Variants in PTPRD observed in about 807,000 individuals in gnomAD.
PTPRD encodes the protein protein tyrosine phosphatase receptor type D.
PTPRD carries 34 observed loss-of-function variants against 214.5 expected under a neutral mutation model. The ratio of observed to expected loss-of-function variants is 0.16; its 90% CI spans 0.12 to 0.21. PTPRD has a LOEUF of 0.21. Ranked by LOEUF, PTPRD falls within the 10% of genes least tolerant of loss-of-function variation. PTPRD has a pLI of 1.00. For synonymous variants in PTPRD, 1,128 were observed against 845.7 expected (o/e 1.33, Z -5.79); for missense variants, 2,545 against 2,398.7 (o/e 1.06, Z -1.27).
Position 10,471,872 on chromosome 9 carries a change from G to A in PTPRD, c.-599-130855C>T, listed in dbSNP as rs962364904. Among the ~76,000 whole-genome samples the A allele has an allele frequency of 4.6e-5, 7 of 151,930 alleles. No homozygotes were observed. In the East Asian group the frequency reaches 9.7e-4, roughly 21 times the overall value. On this transcript the variant is annotated intron_variant, in intron 2 of 45. Coordinates refer to ENST00000381196, the MANE Select transcript of PTPRD (RefSeq NM_002839.4). ...ACCTAGACCATAATTATTTGAAAAG[G>A]AAATGAACAAAAATAGCAAACCAAA... is the stretch of plus-strand genomic sequence containing the variant.
intron 2 of PTPRD, among the ~76,000 whole-genome samples, chr9:10,461,445 C>A (rs888993555): frequency 2.6e-5 from 4 of 151,632 alleles, no homozygotes; most frequent in Non-Finnish European, 5.9e-5. Flanking sequence ...AATCTAGGTG[C>A]CTATCAATGA....
chr9:10,132,423 A>C (rs2154259260), intron 3 of PTPRD, among the ~76,000 whole-genome samples: 1 of 152,284 alleles, frequency 6.6e-6, no homozygotes, highest in East Asian at 1.9e-4. Flanking sequence ...AATTTAACAA[A>C]CACCTGCCAT....
chr9:9,139,782 C>T (rs1240186975), intron 10 of PTPRD, among the ~76,000 whole-genome samples: 1 of 152,168 alleles, frequency 6.6e-6, no homozygotes, highest in Non-Finnish European at 1.5e-5. Context: ...GCAGAAAGTG[C>T]AACCACGGCT....
intron 5 of PTPRD, among the ~76,000 whole-genome samples, chr9:9,893,595 A>G (rs2074075538): frequency 6.6e-6 from 1 of 152,180 alleles, no homozygotes; most frequent in African/African-American, 2.4e-5. Flanking sequence ...AGTATTGAAT[A>G]ACCAAGCTTC....
chr9:9,265,570 T>TA (rs1208688891), intron 9 of PTPRD, among the ~76,000 whole-genome samples: 4 of 151,520 alleles, frequency 2.6e-5, no homozygotes, highest in Non-Finnish European at 4.4e-5. Context: ...AATTGTGACA[T>TA]AAAAAATAGG....
chr9:10,440,604 G>C (rs1057201392), intron 2 of PTPRD, among the ~76,000 whole-genome samples: 5 of 151,684 alleles, frequency 3.3e-5, no homozygotes, highest in African/African-American at 1.2e-4. Flanking sequence ...TTAAAATCAG[G>C]AACCACAGCA....
chr9:9,237,067 A>G (rs2099967278), intron 9 of PTPRD, among the ~76,000 whole-genome samples: 1 of 152,186 alleles, frequency 6.6e-6, no homozygotes, highest in South Asian at 2.1e-4. Flanking sequence ...GGAACTGTAT[A>G]CTCAGAAGGA....
At chr9:9,205,134 A>AC (rs1366458022) in intron 9 of PTPRD, among the ~76,000 whole-genome samples, 1 of 152,196 alleles carries the variant, frequency 6.6e-6, no homozygotes, top group Non-Finnish European at 1.5e-5. Flanking sequence ...TAAATCACTT[A>AC]TTTAAAAAAA....
intron 3 of PTPRD, among the ~76,000 whole-genome samples, chr9:10,063,212 CT>C (rs1302648743): frequency 6.6e-6 from 1 of 152,046 alleles, no homozygotes; most frequent in Non-Finnish European, 1.5e-5. Context: ...CAAAATTCAA[CT>C]GTTCCACTTC....
chr9:10,312,975 G>T (rs73644413), intron 3 of PTPRD, among the ~76,000 whole-genome samples: 1 of 151,802 alleles, frequency 6.6e-6, no homozygotes, highest in African/African-American at 2.4e-5. Context: ...TCTGTCAATG[G>T]TCCTGACACT....
intron 14 of PTPRD, among the ~76,000 whole-genome samples, chr9:8,582,347 A>AT (rs2093240996): frequency 6.6e-6 from 1 of 152,208 alleles, no homozygotes; most frequent in Non-Finnish European, 1.5e-5. Flanking sequence ...GAGTCAGAAT[A>AT]TTTTTTGAAC....
intron 3 of PTPRD, among the ~76,000 whole-genome samples, chr9:10,339,443 C>G (rs1270937880): frequency 6.6e-6 from 1 of 151,646 alleles, no homozygotes; most frequent in African/African-American, 2.4e-5. Flanking sequence ...AAACAGGAAT[C>G]TTCAAAGCAC....
chr9:9,331,358 C>T (rs2042242597), intron 9 of PTPRD, among the ~76,000 whole-genome samples: 1 of 152,008 alleles, frequency 6.6e-6, no homozygotes, highest in African/African-American at 2.4e-5. Context: ...AGTATGATTG[C>T]CTGGCTCATT....
Position 10,086,691 on chromosome 9 carries a change from C to T in PTPRD, c.-544-52901G>A, listed in dbSNP as rs541312442. Among the ~76,000 whole-genome samples the T allele has an allele frequency of 1.6e-4, 24 of 151,842 alleles. No individual in the cohort carries two copies. In the East Asian group the frequency reaches 4.5e-3, roughly 28 times the overall value. On this transcript the variant is annotated intron_variant, in intron 3 of 45. Coordinates refer to ENST00000381196, the MANE Select transcript of PTPRD (RefSeq NM_002839.4). Reference sequence around the variant, plus strand: ...AATGCTGAAAGGATCAACTGCAGCCCTAGGAAGAGCTCCCTAATCCATTCA... The same window carrying T: ...AATGCTGAAAGGATCAACTGCAGCCTTAGGAAGAGCTCCCTAATCCATTCA...
At chr9:9,390,886 T>C (rs1191637463) in intron 9 of PTPRD, among the ~76,000 whole-genome samples, 1 of 152,182 alleles carries the variant, frequency 6.6e-6, no homozygotes, top group Non-Finnish European at 1.5e-5. Context: ...GGTAGTGACC[T>C]GGCAAATAGT....
At chr9:9,790,867 A>G (rs1209503170) in intron 5 of PTPRD, among the ~76,000 whole-genome samples, 6 of 152,202 alleles carry the variant, frequency 3.9e-5, no homozygotes, top group Non-Finnish European at 5.9e-5. Context: ...ATGGATCTAC[A>G]CTAATATACA....
intron 10 of PTPRD, among the ~76,000 whole-genome samples, chr9:9,061,116 A>T (rs569865112): frequency 1.4e-3 from 208 of 152,324 alleles, no homozygotes; most frequent in African/African-American, 4.6e-3. Flanking sequence ...GGTTACTAAT[A>T]GGAAGAGGAC....
At chr9:8,892,593 GTGTATATATA>G (rs2098549704) in intron 11 of PTPRD, among the ~76,000 whole-genome samples, 2 of 149,138 alleles carry the variant, frequency 1.3e-5, no homozygotes, top group Non-Finnish European at 1.5e-5. Context: ...GTATATATAT[GTGTATATATA>G]TGTGTGTATA....
intron 9 of PTPRD, among the ~76,000 whole-genome samples, chr9:9,260,185 G>A (rs73390806): frequency 0.16 from 24,085 of 151,690 alleles, 2,041 homozygotes; most frequent in Middle Eastern, 0.2. Context: ...AGTAAAAATG[G>A]GCAAAGAAAA....
Sources: gnomAD v4.1 joint callset for allele counts (sites outside exome capture counted in the v4.1 genomes callset) on GRCh38, gnomAD v4.1.1 for gene constraint, MANE v1.5 for transcripts, NCBI Gene and HGNC (gene_info 2026-07-23, HGNC 2026-07-21) for gene names.